HGSNAT: variants seen among roughly 807,000 people sequenced by gnomAD.
HGSNAT encodes transmembrane protein 76.
Under a neutral mutation model 85.2 loss-of-function variants are expected in HGSNAT, and 59 were observed. The ratio of observed to expected loss-of-function variants is 0.69; its 90% CI spans 0.56 to 0.86. HGSNAT has a LOEUF of 0.86. Among genes scored for constraint, HGSNAT ranks in the 40% least tolerant of loss-of-function variants. HGSNAT has a pLI of 0.00. For missense variants in HGSNAT, 756 were observed against 777.1 expected (o/e 0.97, Z 0.32); for synonymous variants, 321 against 304.5 (o/e 1.05, Z -0.56).
intron 13 of HGSNAT, 33 bp downstream of exon 13, chr8:43,192,463 A>G: frequency 6.4e-7 from 1 of 1,568,482 alleles, no homozygotes; most frequent in Non-Finnish European, 8.6e-7. Context: ...TAGAACTGGA[A>G]CTCAGGCTTT....
intron 9 of HGSNAT, among the ~76,000 whole-genome samples, chr8:43,177,276 T>C: frequency 6.6e-6 from 1 of 151,216 alleles, no homozygotes; most frequent in Non-Finnish European, 1.5e-5. Context: ...TAGGGCCAGG[T>C]GTGGTGGCTC....
At chr8:43,182,009 C>T (rs1804141898) in intron 10 of HGSNAT, 136 bp from the exon 11 acceptor site, 1 of 730,256 alleles carries the variant, frequency 1.4e-6, no homozygotes, top group South Asian at 1.7e-5. Context: ...GTATATATTT[C>T]CATGTCCAAG....
rs778859265 is a variant in HGSNAT, at chr8:43,146,945, C to G, written c.119-3C>G. 3.9e-6 allele frequency: 6 copies of G among 1,537,582 alleles called. No homozygotes were observed. On this transcript the variant is annotated splice_polypyrimidine_tract_variant and splice_region_variant and intron_variant, in intron 1 of 17. Transcript: ENST00000379644. ...TTTTTTAACTTTTCCTAATTTCTAC[C>G]AGACTTAGACAAAAAAAGACATGCA...
intron 2 of HGSNAT, among the ~76,000 whole-genome samples, chr8:43,155,987 C>A (rs562160543): frequency 2.0e-5 from 3 of 152,206 alleles, no homozygotes; most frequent in South Asian, 2.1e-4. Flanking sequence ...ATTATAGACA[C>A]CCACTACCAT....
At chr8:43,147,715 A>G (rs1266679989) in intron 2 of HGSNAT, among the ~76,000 whole-genome samples, 3 of 152,156 alleles carry the variant, frequency 2.0e-5, no homozygotes, top group Non-Finnish European at 4.4e-5. Context: ...TTATGAACAT[A>G]AAGGTGGGAA....
chr8:43,141,940 C>A (rs953326615), intron 1 of HGSNAT, among the ~76,000 whole-genome samples: 7 of 152,162 alleles, frequency 4.6e-5, no homozygotes, highest in Non-Finnish European at 1.0e-4. Flanking sequence ...AAATAGTAAT[C>A]ACACGTAGTG....
intron 2 of HGSNAT, among the ~76,000 whole-genome samples, chr8:43,152,272 CAG>C (rs1481870259): frequency 6.6e-6 from 1 of 151,962 alleles, no homozygotes; most frequent in Non-Finnish European, 1.5e-5. Flanking sequence ...GCCTGGGTGA[CAG>C]AGCGAGAGTC....
intron 13 of HGSNAT, among the ~76,000 whole-genome samples, chr8:43,192,740 GT>G (rs1238137333): frequency 6.6e-5 from 10 of 151,360 alleles, no homozygotes; most frequent in Non-Finnish European, 1.2e-4. Context: ...CTGTGCAATA[GT>G]GAGACCCCGT....
At chr8:43,196,416 G>A (rs1438264517) in intron 14 of HGSNAT, 3 of 1,282,016 alleles carry the variant, frequency 2.3e-6, no homozygotes, top group Admixed American at 2.3e-5. Flanking sequence ...CCCTGTCCCG[G>A]TCCCTCTTCC....
intron 6 of HGSNAT, 146 bp downstream of exon 6, chr8:43,169,388 C>T (rs1586723999): frequency 5.9e-6 from 3 of 507,798 alleles, no homozygotes; most frequent in East Asian, 3.1e-5. Context: ...AGAGAGCAGC[C>T]CTCTCTTCAG....
At position 43,158,943 on chromosome 8, in the gene HGSNAT, A is replaced by C; in HGVS notation, c.392A>C (p.Glu131Ala). 6.2e-7 allele frequency: 1 copy of C among 1,610,720 alleles called. No homozygotes were observed. The highest frequency in any genetic ancestry group is 8.5e-7 in the Non-Finnish European group (1 of 1,177,990). ...TGTAGGTTGGAATACAGATTTGGAG[A>C]ATTTGGAAACTATTCTCTCTTGGTA... Reference protein sequence around the residue: ...EVCRLEYRFGEFGNYSLLVKN... With the variant: ...EVCRLEYRFGAFGNYSLLVKN... The change falls in exon 4 of 18, where the codon GAA (glutamate) becomes GCA (alanine). Residue 131 changes from glutamate to alanine, a missense_variant. Physicochemically the swap from Glu to Ala is moderately radical, Grantham distance 107. Coordinates refer to ENST00000379644, the MANE Select transcript of HGSNAT (RefSeq NM_152419.3).
chr8:43,173,291 C>G (rs1803690281), intron 8 of HGSNAT, among the ~76,000 whole-genome samples: 1 of 151,972 alleles, frequency 6.6e-6, no homozygotes, highest in African/African-American at 2.4e-5. Flanking sequence ...CACACCTGGC[C>G]TATGAGTTTT....
Position 43,202,517 on chromosome 8 carries a change from ACAGGGAGG to A in HGSNAT, c.*2957_*2964del, listed in dbSNP as rs1278757334. 3 of 151,952 alleles carry A rather than the reference ACAGGGAGG, an allele frequency of 2.0e-5. No homozygotes were observed. The highest frequency in any genetic ancestry group is 4.4e-5 in the Non-Finnish European group (3 of 67,954). The allele number at this position is 151,952 out of a possible 1,614,324, so 9.4% of individuals were successfully genotyped here. A position where few individuals can be genotyped will look rare whatever the true frequency, so the allele number is the denominator to read the frequency against. ...AGCTGCAACAGGTGCATGGCATCTCACAGGGAGGCAGGGAGGTGCGAGCTCCTAAGTAA... is the reference window on the plus strand; with the variant it reads ...AGCTGCAACAGGTGCATGGCATCTCACAGGGAGGTGCGAGCTCCTAAGTAA... On this transcript the variant is annotated 3_prime_UTR_variant, in exon 18 of 18. Coordinates refer to ENST00000379644, the MANE Select transcript of HGSNAT (RefSeq NM_152419.3).
intron 5 of HGSNAT, among the ~76,000 whole-genome samples, chr8:43,165,104 G>A (rs1221794394): frequency 1.4e-5 from 2 of 142,304 alleles, no homozygotes; most frequent in Non-Finnish European, 3.0e-5. Context: ...TGTTGCCCAG[G>A]CTTGCATTGA....
intron 1 of HGSNAT, among the ~76,000 whole-genome samples, chr8:43,143,174 TTAAA>T (rs1317790815): frequency 2.6e-5 from 4 of 152,196 alleles, no homozygotes; most frequent in Admixed American, 2.0e-4. Flanking sequence ...GTGTCAGGGA[TTAAA>T]TAAAGGTGGT....
intron 2 of HGSNAT, among the ~76,000 whole-genome samples, chr8:43,154,589 T>C (rs1803031104): frequency 6.6e-6 from 1 of 152,176 alleles, no homozygotes. Context: ...TAATCCAGTC[T>C]ATCATTGTTG....
rs1227501145 is a variant in HGSNAT, at chr8:43,158,654, C to T, written c.314C>T (p.Thr105Ile). 6.2e-7 allele frequency: 1 copy of T among 1,613,846 alleles called. No homozygotes were observed. Among genetic ancestry groups the T allele is most frequent in the Admixed American group, 1.7e-5 (1 of 60,002 alleles). Residue 105 changes from threonine to isoleucine, a missense_variant, in exon 3 of 18, where the codon ACC (threonine) becomes ATC (isoleucine). Transcript: ENST00000379644. ...KPSAAAASVS[T>I]QHGSILQLND... Reference sequence around the variant, plus strand: ...AGTGCTGCAGCTGCCTCTGTCAGCACCCAGCACGGATCTATCCTGCAGCTG... The same window carrying T: ...AGTGCTGCAGCTGCCTCTGTCAGCATCCAGCACGGATCTATCCTGCAGCTG...
At chr8:43,163,294 C>T (rs892917605) in intron 5 of HGSNAT, among the ~76,000 whole-genome samples, 13 of 152,112 alleles carry the variant, frequency 8.5e-5, no homozygotes, top group African/African-American at 2.9e-4. Context: ...GCTGCCCTTC[C>T]AGCCTGCGGG....
At chr8:43,198,078 G>C in intron 17 of HGSNAT, 126 bp downstream of exon 17, 1 of 655,118 alleles carries the variant, frequency 1.5e-6, no homozygotes, top group Non-Finnish European at 2.7e-6. Flanking sequence ...CAAAAGCCAG[G>C]CTGAGGGAGG....
Sources: allele counts gnomAD v4.1 joint callset (sites outside exome capture counted in the v4.1 genomes callset), GRCh38; gene constraint gnomAD v4.1.1; transcripts MANE v1.5; gene names NCBI Gene and HGNC (gene_info 2026-07-23, HGNC 2026-07-21).